GALNT13: variants seen among roughly 807,000 people sequenced by gnomAD.
GALNT13 encodes the protein polypeptide N-acetylgalactosaminyltransferase 13.
Under a neutral mutation model 64.2 loss-of-function variants are expected in GALNT13, and 28 were observed. The observed-to-expected ratio is 0.44, with a 90% confidence interval of 0.32 to 0.60. The LOEUF (loss-of-function observed/expected upper bound fraction) is 0.60. GALNT13 is among the 20% of genes least tolerant of loss of function. The probability of loss-of-function intolerance (pLI) is 0.05; values close to 1 mark genes in which losing one functional copy is unlikely to be tolerated. For synonymous variants in GALNT13, 214 were observed against 224.6 expected, an observed-to-expected ratio of 0.95 and a Z score of 0.42; for missense variants, 577 against 669.8, an observed-to-expected ratio of 0.86 and a Z score of 1.53.
the GALNT13 span, among the ~76,000 whole-genome samples, chr2:153,862,885 G>T: frequency 1.3e-5 from 2 of 152,068 alleles, no homozygotes; most frequent in South Asian, 4.1e-4. Context: ...TTAAAATAAA[G>T]AATATCCCTT....
chr2:154,094,063 TCTCAGAGTTTA>T (rs1287480045), intron 3 of GALNT13, among the ~76,000 whole-genome samples: 1 of 151,960 alleles, frequency 6.6e-6, no homozygotes, highest in African/African-American at 2.4e-5. Flanking sequence ...TGCATAGTTA[TCTCAGAGTTTA>T]TAAAGTACCT....
the GALNT13 span, among the ~76,000 whole-genome samples, chr2:153,480,616 C>A: frequency 6.6e-6 from 1 of 152,064 alleles, no homozygotes; most frequent in African/African-American, 2.4e-5. Context: ...ATCAGTCTAT[C>A]TTAGTTAATG....
At chr2:154,076,977 G>A (rs1187216237) in intron 3 of GALNT13, among the ~76,000 whole-genome samples, 1 of 151,576 alleles carries the variant, frequency 6.6e-6, no homozygotes, top group Non-Finnish European at 1.5e-5. Context: ...TCTAAAATCT[G>A]CTCTATTTTA....
At chr2:154,308,977 A>G (rs531913914) in intron 9 of GALNT13, among the ~76,000 whole-genome samples, 11 of 152,128 alleles carry the variant, frequency 7.2e-5, no homozygotes, top group African/African-American at 2.4e-4. Context: ...TTTTATTTGT[A>G]TTTTTATAAT....
At chr2:154,147,635 T>G (rs563493951) in intron 4 of GALNT13, among the ~76,000 whole-genome samples, 1 of 151,990 alleles carries the variant, frequency 6.6e-6, no homozygotes, top group Admixed American at 6.6e-5. Flanking sequence ...GGTAAACAGG[T>G]ATGGAGCCTG....
At chr2:153,091,257 G>A in the GALNT13 span, among the ~76,000 whole-genome samples, 1 of 152,054 alleles carries the variant, frequency 6.6e-6, no homozygotes, top group African/African-American at 2.4e-5. Context: ...GTCAGAGATA[G>A]CTTCCCTGGG....
At chr2:154,434,989 T>C (rs1700885568) in intron 11 of GALNT13, among the ~76,000 whole-genome samples, 1 of 152,234 alleles carries the variant, frequency 6.6e-6, no homozygotes, top group African/African-American at 2.4e-5. Context: ...TTTCCTCTTT[T>C]ATAATGGAAG....
intron 3 of GALNT13, among the ~76,000 whole-genome samples, chr2:154,023,646 C>G (rs1446039825): frequency 6.6e-6 from 1 of 152,122 alleles, no homozygotes; most frequent in Non-Finnish European, 1.5e-5. Context: ...GACTCTTTAT[C>G]CAGTTTGCCA....
intron 3 of GALNT13, among the ~76,000 whole-genome samples, chr2:154,115,697 A>G (rs1308544111): frequency 6.6e-6 from 1 of 152,144 alleles, no homozygotes; most frequent in Non-Finnish European, 1.5e-5. Flanking sequence ...CTGGGATTAC[A>G]GGTGTGAGCC....
At chr2:154,405,037 A>T (rs1699465561) in intron 10 of GALNT13, among the ~76,000 whole-genome samples, 1 of 152,142 alleles carries the variant, frequency 6.6e-6, no homozygotes, top group Admixed American at 6.6e-5. Flanking sequence ...AGATAGTAAG[A>T]AGTAGAATGG....
At chr2:153,921,662 G>A (rs775106856) in intron 2 of GALNT13, among the ~76,000 whole-genome samples, 1 of 152,100 alleles carries the variant, frequency 6.6e-6, no homozygotes, top group Non-Finnish European at 1.5e-5. Flanking sequence ...GTTTATGTAA[G>A]AGTAAGGGAG....
chr2:153,681,371 T>A, the GALNT13 span, among the ~76,000 whole-genome samples: 1 of 151,806 alleles, frequency 6.6e-6, no homozygotes, highest in Non-Finnish European at 1.5e-5. Context: ...CAAAACTACT[T>A]CTCTGAAGTT....
At chr2:153,851,567 T>C in the GALNT13 span, among the ~76,000 whole-genome samples, 1 of 149,270 alleles carries the variant, frequency 6.7e-6, no homozygotes, top group Non-Finnish European at 1.5e-5. Context: ...TAGCTTGGTG[T>C]GATGGCATAC....
chr2:154,402,227 G>A (rs775579556), intron 10 of GALNT13, among the ~76,000 whole-genome samples: 3 of 152,102 alleles, frequency 2.0e-5, no homozygotes, highest in Non-Finnish European at 4.4e-5. Context: ...TTTTTAAAAC[G>A]GAAAGATTGG....
chr2:154,103,974 A>ATGAT lies in GALNT13; in HGVS notation c.143-36362_143-36359dup, dbSNP rs1157770384. Among the ~76,000 whole-genome samples, 6 of 152,232 alleles carry ATGAT rather than the reference A, an allele frequency of 3.9e-5. No individual in the cohort carries two copies. In the East Asian group the frequency reaches 1.2e-3, roughly 29 times the overall value. On this transcript the variant is annotated intron_variant, in intron 3 of 12. Coordinates refer to ENST00000392825, the MANE Select transcript of GALNT13 (RefSeq NM_052917.4). ...TAGGCAATAAAGATTGGGTAAACCA[A>ATGAT]TGATGAGTGAAAGCACCCTCCCTGA... is the stretch of plus-strand genomic sequence containing the variant.
At chr2:153,328,202 A>T in the GALNT13 span, among the ~76,000 whole-genome samples, 1 of 152,142 alleles carries the variant, frequency 6.6e-6, no homozygotes, top group African/African-American at 2.4e-5. Context: ...CAGTTGCCAG[A>T]TGCCAGCCAG....
At chr2:153,605,214 TC>T in the GALNT13 span, among the ~76,000 whole-genome samples, 2 of 152,132 alleles carry the variant, frequency 1.3e-5, no homozygotes, top group African/African-American at 4.8e-5. Flanking sequence ...TAAATCCTGT[TC>T]TTTTTGCTAT....
At chr2:153,210,795 A>G in the GALNT13 span, among the ~76,000 whole-genome samples, 2 of 152,332 alleles carry the variant, frequency 1.3e-5, 1 homozygote, top group South Asian at 4.1e-4. Flanking sequence ...AAAATTAAAT[A>G]TTAAGGTTTC....
rs150176404 is a variant in GALNT13, at chr2:153,920,957, T to C, written c.-105+19950T>C. Among the ~76,000 whole-genome samples, 616 of 152,238 alleles carry C rather than the reference T, an allele frequency of 4.0e-3. 3 individuals carry two copies. The highest frequency in any genetic ancestry group is 0.014 in the African/African-American group (589 of 41,556). Reference sequence around the variant, plus strand: ...CTTACAGCAGTCAGAATGGCTATTATTAAAAAGTCAAAAAATAGCAGATGC... The same window carrying C: ...CTTACAGCAGTCAGAATGGCTATTACTAAAAAGTCAAAAAATAGCAGATGC... On this transcript the variant is annotated intron_variant, in intron 2 of 12. Coordinates refer to ENST00000392825, the MANE Select transcript of GALNT13 (RefSeq NM_052917.4).
Sources: allele counts gnomAD v4.1 joint callset (sites outside exome capture counted in the v4.1 genomes callset), GRCh38; gene constraint gnomAD v4.1.1; transcripts MANE v1.5; gene names NCBI Gene and HGNC (gene_info 2026-07-23, HGNC 2026-07-21).